DNMT3A: variants seen among roughly 807,000 people sequenced by gnomAD.
The protein encoded by DNMT3A is DNA (cytosine-5)-methyltransferase 3A.
DNMT3A carries 267 observed loss-of-function variants against 117.6 expected under a neutral mutation model. The observed-to-expected ratio is 2.27, with a 90% CI of 2.05 to 2.51. DNMT3A has a LOEUF of 2.51. DNMT3A is among the 30% of genes most tolerant of loss of function. The probability of loss-of-function intolerance (pLI) is 0.00; values close to 1 mark genes in which losing one functional copy is unlikely to be tolerated. For synonymous variants in DNMT3A, 432 were observed against 474.8 expected, an observed-to-expected ratio of 0.91 and a Z score of 1.17; for missense variants, 1,029 against 1,260.2, an observed-to-expected ratio of 0.82 and a Z score of 2.78.
At position 25,244,138 on chromosome 2, in the gene DNMT3A, C is replaced by G. The variant is rs1324776417; in HGVS notation, c.1851+17G>C. On this transcript the variant is annotated intron_variant, in intron 15 of 22. Transcript: ENST00000321117. ...AGCCAAGGGAGCTCGAGACCGCGCCCCAGGCCCAGCACTCACAAATTCCTG... is the reference window on the plus strand; with the variant it reads ...AGCCAAGGGAGCTCGAGACCGCGCCGCAGGCCCAGCACTCACAAATTCCTG... The G allele has an allele frequency of 6.2e-7, 1 of 1,613,846 alleles. No individual in the cohort carries two copies.
At chr2:25,268,434 G>A (rs2030564228) in intron 6 of DNMT3A, among the ~76,000 whole-genome samples, 1 of 152,208 alleles carries the variant, frequency 6.6e-6, no homozygotes, top group African/African-American at 2.4e-5. Flanking sequence ...TGACCGCCCA[G>A]CTACTGACCC....
At chr2:25,248,474 A>G (rs138962862) in intron 6 of DNMT3A, among the ~76,000 whole-genome samples, 203 of 152,096 alleles carry the variant, frequency 1.3e-3, no homozygotes, top group African/African-American at 4.8e-3. Context: ...CTTTTAGGAA[A>G]CCTTCCTCCC....
intron 6 of DNMT3A, among the ~76,000 whole-genome samples, chr2:25,251,142 G>A (rs1272064079): frequency 8.4e-6 from 1 of 118,910 alleles, no homozygotes; most frequent in Non-Finnish European, 1.8e-5. Context: ...TGGGGTGGGG[G>A]AAGGAAGAAG....
intron 6 of DNMT3A, among the ~76,000 whole-genome samples, chr2:25,264,911 A>G (rs939826102): frequency 2.0e-5 from 3 of 152,032 alleles, no homozygotes; most frequent in Non-Finnish European, 2.9e-5. Flanking sequence ...TTCCAGTCTC[A>G]CCCCCCAACC....
chr2:25,248,129 A>AT lies in DNMT3A; in HGVS notation c.762dup (p.Ser255IlefsTer9), dbSNP rs1675069953. 6.2e-7 allele frequency: 1 copy of AT among 1,613,434 alleles called. No individual in the cohort carries two copies. Among genetic ancestry groups the AT allele is most frequent in the African/African-American group, 1.3e-5 (1 of 74,854 alleles). On this transcript the variant is annotated frameshift_variant, in exon 7 of 23. Coordinates refer to ENST00000321117, the MANE Select transcript of DNMT3A (RefSeq NM_022552.5). LOFTEE classifies it high-confidence loss of function. The stretch of plus-strand genomic sequence containing the variant: ...TCAGGCGTGGTAGCCACAGTGGGGG[A>AT]TGCGGGGTCAGTGGGCTGCTGCACA...
rs1433705361 is a variant in DNMT3A at position 25,252,206 on chromosome 2, G to A, written c.640-3954C>T. 2.6e-6 allele frequency: 4 copies of A among 1,563,502 alleles called. No homozygotes were observed. The highest frequency in any genetic ancestry group is 1.2e-5 in the South Asian group (1 of 84,354). ...TCCAGGAACCTACCCATAAGGCCAG[G>A]TGCAGCCCCTCTGCAGTCGCGCTCA... On this transcript the variant is annotated intron_variant, in intron 6 of 22. Coordinates refer to ENST00000321117, the MANE Select transcript of DNMT3A (RefSeq NM_022552.5). This position sits in a 1 kb window ranked among gnomAD's most constrained non-coding sequence, Gnocchi z 5.5.
chr2:25,294,653 G>A lies in DNMT3A; in HGVS notation c.177+5486C>T, dbSNP rs1378414980. Among the ~76,000 whole-genome samples the A allele has an allele frequency of 6.6e-6, 1 of 152,194 alleles. No individual in the cohort carries two copies. The highest frequency in any genetic ancestry group is 2.4e-5 in the African/African-American group (1 of 41,444). On this transcript the variant is annotated intron_variant, in intron 3 of 22. Transcript: ENST00000321117. The surrounding 1 kb of genome is among the most constrained non-coding windows in gnomAD (Gnocchi z 4.7). ...GAAGAATCAAAGGTCCTATCAGGCTGGAAAGCTAGCCAGTGCTGCAAACCT... is the reference window on the plus strand; with the variant it reads ...GAAGAATCAAAGGTCCTATCAGGCTAGAAAGCTAGCCAGTGCTGCAAACCT...
intron 3 of DNMT3A, among the ~76,000 whole-genome samples, chr2:25,292,599 A>C (rs2032839982): frequency 6.6e-6 from 1 of 152,120 alleles, no homozygotes; most frequent in Non-Finnish European, 1.5e-5. Context: ...GCCGCACCCG[A>C]CATGATTTCA....
rs115624364 is a variant in DNMT3A, at chr2:25,287,708, A to G, written c.178-4997T>C. ...GAGTAGAGGCTAGGGAAGCTGCTAAACACCCCACCAGACAGAGGACACCCC... is the reference window on the plus strand; with the variant it reads ...GAGTAGAGGCTAGGGAAGCTGCTAAGCACCCCACCAGACAGAGGACACCCC... On this transcript the variant is annotated intron_variant, in intron 3 of 22. Coordinates refer to ENST00000321117, the MANE Select transcript of DNMT3A (RefSeq NM_022552.5). Among the ~76,000 whole-genome samples, 839 of 148,096 alleles carry G rather than the reference A, an allele frequency of 5.7e-3. 8 individuals are homozygous for G. The highest frequency in any genetic ancestry group is 0.019 in the African/African-American group (746 of 40,128).
intron 3 of DNMT3A, among the ~76,000 whole-genome samples, chr2:25,289,242 A>T (rs1410439156): frequency 1.3e-5 from 2 of 151,640 alleles, no homozygotes; most frequent in Non-Finnish European, 2.9e-5. Context: ...AGCTGGGATT[A>T]CAGGTGCCTG....
At position 25,298,686 on chromosome 2, in the gene DNMT3A, G is replaced by A. The variant is rs2033239310; in HGVS notation, c.177+1453C>T. Among the ~76,000 whole-genome samples the A allele has an allele frequency of 6.6e-6, 1 of 152,172 alleles. No homozygotes were observed. Among genetic ancestry groups the A allele is most frequent in the Non-Finnish European group, 1.5e-5 (1 of 68,032 alleles). ...CAGGGGCCCTGGGAATCTGGAGTCTGCTGCCAGCCAGAAAGTCCTCTCTGA... is the reference window on the plus strand; with the variant it reads ...CAGGGGCCCTGGGAATCTGGAGTCTACTGCCAGCCAGAAAGTCCTCTCTGA... On this transcript the variant is annotated intron_variant, in intron 3 of 22. Transcript: ENST00000321117. The surrounding 1 kb of genome is among the most constrained non-coding windows in gnomAD (Gnocchi z 4.3).
chr2:25,310,742 G>A (rs1469394508), intron 2 of DNMT3A, among the ~76,000 whole-genome samples: 1 of 152,080 alleles, frequency 6.6e-6, no homozygotes, highest in Non-Finnish European at 1.5e-5. Context: ...CTGCGCTCCA[G>A]GCTAGCAGTG....
Position 25,281,712 on chromosome 2 carries a change from T to A in DNMT3A, c.448+729A>T. The A allele has an allele frequency of 9.4e-7, 1 of 1,065,844 alleles. No homozygotes were observed. Among genetic ancestry groups the A allele is most frequent in the East Asian group, 5.0e-5 (1 of 20,184 alleles). The allele number at this position is 1,065,844 out of a possible 1,614,324, so 66.0% of individuals were successfully genotyped here. On this transcript the variant is annotated intron_variant, in intron 4 of 22. Transcript: ENST00000321117. The surrounding 1 kb of genome is among the most constrained non-coding windows in gnomAD (Gnocchi z 4.8). ...ATGCTAGTTGTCCTCATTACTAACATGTTTACAGCTCGGTTGGCCCTGAAA... is the reference window on the plus strand; with the variant it reads ...ATGCTAGTTGTCCTCATTACTAACAAGTTTACAGCTCGGTTGGCCCTGAAA...
At chr2:25,288,299 T>C (rs2032475284) in intron 3 of DNMT3A, among the ~76,000 whole-genome samples, 1 of 151,768 alleles carries the variant, frequency 6.6e-6, no homozygotes, top group Admixed American at 6.5e-5. Context: ...CCAGGCGTGG[T>C]AGCAGGCGCC....
At chr2:25,241,732 G>A (rs773723532) in intron 16 of DNMT3A, 25 bp from the exon 17 acceptor site, 18 of 1,610,250 alleles carry the variant, frequency 1.1e-5, no homozygotes, top group East Asian at 2.2e-5. Flanking sequence ...AGACAGCACC[G>A]TTACTTGGAG....
rs2031912438 is a variant in DNMT3A at position 25,281,984 on chromosome 2, A to G, written c.448+457T>C. 1 of 1,096,352 alleles carries G rather than the reference A, an allele frequency of 9.1e-7. No homozygotes were observed. Among genetic ancestry groups the G allele is most frequent in the Non-Finnish European group, 1.1e-6 (1 of 897,636 alleles). 67.9% of individuals were successfully genotyped at this position (1,096,352 alleles called of 1,614,324 possible). A position where few individuals can be genotyped will look rare whatever the true frequency, so the allele number is the denominator to read the frequency against. ...CCCTTGAGTGCCCAGGCCAGGGGCTACAAATACAGCAACCCCCAGGAACTG... is the reference window on the plus strand; with the variant it reads ...CCCTTGAGTGCCCAGGCCAGGGGCTGCAAATACAGCAACCCCCAGGAACTG... On this transcript the variant is annotated intron_variant, in intron 4 of 22. Coordinates refer to ENST00000321117, the MANE Select transcript of DNMT3A (RefSeq NM_022552.5). This position sits in a 1 kb window ranked among gnomAD's most constrained non-coding sequence, Gnocchi z 4.8.
At chr2:25,264,142 T>TTTTTTG (rs1177098727) in intron 6 of DNMT3A, among the ~76,000 whole-genome samples, 1 of 132,032 alleles carries the variant, frequency 7.6e-6, no homozygotes, top group Non-Finnish European at 1.6e-5. Context: ...GTTTTTTTTT[T>TTTTTTG]TTTTTTTTTT....
At position 25,251,930 on chromosome 2, in the gene DNMT3A, C is replaced by G; in HGVS notation, c.640-3678G>C. The G allele has an allele frequency of 4.2e-6, 2 of 480,246 alleles. No homozygotes were observed. The highest frequency in any genetic ancestry group is 8.2e-5 in the Admixed American group (2 of 24,316). 29.7% of individuals were successfully genotyped at this position (480,246 alleles called of 1,614,324 possible). On this transcript the variant is annotated intron_variant, in intron 6 of 22. Coordinates refer to ENST00000321117, the MANE Select transcript of DNMT3A (RefSeq NM_022552.5). ...CAGTTACCACTGCCCGGGCTCCCGG[C>G]CGGCTGCTCTTCCTGTCCCCCGAGG...
chr2:25,323,042 G>A (rs746539065), intron 1 of DNMT3A, among the ~76,000 whole-genome samples: 9 of 151,902 alleles, frequency 5.9e-5, no homozygotes, highest in Non-Finnish European at 1.0e-4. Context: ...TTCCCGGTGG[G>A]AAACGCTTGT....
Sources: allele counts gnomAD v4.1 joint callset (sites outside exome capture counted in the v4.1 genomes callset), GRCh38; gene constraint gnomAD v4.1.1; non-coding constraint Gnocchi (gnomAD v3.1); transcripts MANE v1.5; gene names NCBI Gene and HGNC (gene_info 2026-07-23, HGNC 2026-07-21).